The following ZFHX3 variants were observed in gnomAD, a reference collection of about 807,000 sequenced individuals.
ZFHX3 encodes the protein zinc finger homeobox protein 3.
ZFHX3 carries 42 observed loss-of-function variants against 279.1 expected under a neutral mutation model. The observed-to-expected ratio is 0.15, with a 90% CI of 0.12 to 0.19. The LOEUF (loss-of-function observed/expected upper bound fraction) is 0.19, where lower values mean the gene tolerates loss of function less well. ZFHX3 is among the 10% of genes least tolerant of loss of function. The probability of loss-of-function intolerance (pLI) is 1.00; values close to 1 mark genes in which losing one functional copy is unlikely to be tolerated. For missense variants in ZFHX3, 4,981 were observed against 4,754.0 expected (o/e 1.05, Z -1.40); for synonymous variants, 2,293 against 1,957.8 (o/e 1.17, Z -4.52).
At chr16:73,140,076 G>A (rs977310519) in intron 6 of ZFHX3, among the ~76,000 whole-genome samples, 2 of 152,100 alleles carry the variant, frequency 1.3e-5, no homozygotes, top group African/African-American at 4.8e-5. Context: ...AGACCAGCTT[G>A]GGCAACATAG....
At chr16:73,221,932 A>G (rs1409648188) in intron 5 of ZFHX3, among the ~76,000 whole-genome samples, 1 of 152,166 alleles carries the variant, frequency 6.6e-6, no homozygotes, top group Non-Finnish European at 1.5e-5. Context: ...GTACAGACAT[A>G]CCATATTTTA....
intron 8 of ZFHX3, among the ~76,000 whole-genome samples, chr16:73,074,396 C>A (rs911422299): frequency 6.6e-6 from 1 of 152,146 alleles, no homozygotes; most frequent in Non-Finnish European, 1.5e-5. Context: ...CTACAGAATA[C>A]CTGTGATGAT....
intron 7 of ZFHX3, among the ~76,000 whole-genome samples, chr16:73,121,403 A>C (rs1219008925): frequency 6.6e-6 from 1 of 152,186 alleles, no homozygotes; most frequent in Admixed American, 6.5e-5. Flanking sequence ...GTTTGTTTTT[A>C]CTTTTTAAAA....
intron 2 of ZFHX3, among the ~76,000 whole-genome samples, chr16:73,563,062 A>G (rs2020395009): frequency 6.6e-6 from 1 of 152,162 alleles, no homozygotes; most frequent in African/African-American, 2.4e-5. Flanking sequence ...AGCAGTACCC[A>G]GGGTCTTTAC....
At chr16:72,864,198 T>C (rs984292147) in intron 4 of ZFHX3, among the ~76,000 whole-genome samples, 2 of 152,204 alleles carry the variant, frequency 1.3e-5, no homozygotes, top group African/African-American at 4.8e-5. Context: ...TTATGTTTGA[T>C]TTTAATTCTT....
exon 5 of ZFHX3, chr16:73,257,107 G>C (rs745952584): frequency 1.3e-5 from 2 of 152,178 alleles, no homozygotes. Context: ...CTGTTAACAA[G>C]CACAACGTCT....
At chr16:73,657,179 G>A (rs2052729981) in intron 2 of ZFHX3, among the ~76,000 whole-genome samples, 1 of 152,206 alleles carries the variant, frequency 6.6e-6, no homozygotes, top group Non-Finnish European at 1.5e-5. Flanking sequence ...CAATTTGGCT[G>A]GGTGTAGTGG....
intron 3 of ZFHX3, among the ~76,000 whole-genome samples, chr16:72,902,127 G>A (rs546584513): frequency 6.6e-6 from 1 of 152,252 alleles, no homozygotes; most frequent in South Asian, 2.1e-4. Flanking sequence ...CAGGAAGGGG[G>A]GATCAATAGA....
At chr16:73,038,729 C>T (rs1965002928) in intron 1 of ZFHX3, among the ~76,000 whole-genome samples, 1 of 151,936 alleles carries the variant, frequency 6.6e-6, no homozygotes, top group African/African-American at 2.4e-5. Context: ...CAAATGTTAC[C>T]ACCTCAAGTG....
chr16:72,853,446 T>C (rs954083633), intron 4 of ZFHX3, among the ~76,000 whole-genome samples: 5 of 152,344 alleles, frequency 3.3e-5, no homozygotes, highest in Middle Eastern at 3.4e-3. Context: ...TGCCCAGAAC[T>C]TACTAAGAGG....
At chr16:73,485,724 G>T (rs1175488877) in intron 2 of ZFHX3, among the ~76,000 whole-genome samples, 1 of 152,126 alleles carries the variant, frequency 6.6e-6, no homozygotes, top group Non-Finnish European at 1.5e-5. Context: ...ATGTCCCTGT[G>T]TACTGCCCTA....
At chr16:73,312,353 G>A (rs769766903) in intron 4 of ZFHX3, among the ~76,000 whole-genome samples, 1 of 151,878 alleles carries the variant, frequency 6.6e-6, no homozygotes, top group South Asian at 2.1e-4. Context: ...GATGAGAACT[G>A]ATCACTTATC....
At position 73,867,983 on chromosome 16, in the gene ZFHX3, G is replaced by A. The variant is rs767025423; in HGVS notation, c.-1608+23668C>T. Among the ~76,000 whole-genome samples, 9 of 152,184 alleles carry A rather than the reference G, an allele frequency of 5.9e-5. No homozygotes were observed. The South Asian group carries it at 1.9e-3, about 32-fold the overall frequency. On this transcript the variant is annotated intron_variant, in intron 1 of 17. Transcript: ENST00000641206. ...GGCCAACCAGGCCATTCTCCCTAGC[G>A]CTGGGTGCCAGGCTTCCTTCTTCAT...
chr16:72,952,967 T>C (rs1961065188), intron 2 of ZFHX3, among the ~76,000 whole-genome samples: 1 of 152,234 alleles, frequency 6.6e-6, no homozygotes, highest in Admixed American at 6.5e-5. Context: ...TATGTGTGGT[T>C]GGGCTGAGGT....
chr16:73,397,568 C>T (rs1445708288), intron 3 of ZFHX3, among the ~76,000 whole-genome samples: 4 of 152,004 alleles, frequency 2.6e-5, no homozygotes, highest in African/African-American at 9.7e-5. Flanking sequence ...CTGCAAGGAT[C>T]AAGAATAGAA....
At chr16:73,102,949 G>C (rs973145229) in intron 7 of ZFHX3, among the ~76,000 whole-genome samples, 3 of 152,126 alleles carry the variant, frequency 2.0e-5, no homozygotes, top group African/African-American at 7.2e-5. Context: ...TTTTGAGACA[G>C]AGTCTCACTC....
chr16:73,370,506 C>T (rs1173610869), intron 3 of ZFHX3, among the ~76,000 whole-genome samples: 1 of 152,160 alleles, frequency 6.6e-6, no homozygotes, highest in Non-Finnish European at 1.5e-5. Flanking sequence ...CACATAAACA[C>T]AAATAGGAAG....
chr16:72,917,407 C>A (rs908107577), intron 3 of ZFHX3, among the ~76,000 whole-genome samples: 7 of 152,292 alleles, frequency 4.6e-5, no homozygotes, highest in African/African-American at 1.4e-4. Flanking sequence ...ATGTTTAACA[C>A]CTTTGATAGA....
intron 8 of ZFHX3, among the ~76,000 whole-genome samples, chr16:73,074,981 T>A (rs55933875): frequency 0.14 from 21,833 of 151,188 alleles, 3,108 homozygotes; most frequent in African/African-American, 0.38. Context: ...TAATTTTTGT[T>A]TTTTTTTGTA....
Sources: gnomAD v4.1 joint callset for allele counts (sites outside exome capture counted in the v4.1 genomes callset) on GRCh38, gnomAD v4.1.1 for gene constraint, MANE v1.5 for transcripts, NCBI Gene and HGNC (gene_info 2026-07-23, HGNC 2026-07-21) for gene names.